The following DYNC1LI1 variants were observed in gnomAD, a reference collection of about 807,000 sequenced individuals.
The protein encoded by DYNC1LI1 is cytoplasmic dynein 1 light intermediate chain 1.
A neutral mutation model predicts 63.8 loss-of-function variants in DYNC1LI1; 19 were observed. The ratio of observed to expected loss-of-function variants is 0.30; its 90% CI spans 0.21 to 0.44. The LOEUF (loss-of-function observed/expected upper bound fraction) is 0.44. DYNC1LI1 is among the 20% of genes least tolerant of loss of function. DYNC1LI1 has a pLI of 1.00. For synonymous variants in DYNC1LI1, 225 were observed against 232.3 expected, an observed-to-expected ratio of 0.97 and a Z score of 0.28; for missense variants, 565 against 630.2, an observed-to-expected ratio of 0.90 and a Z score of 1.11.
chr3:32,567,650 C>T (rs957997685), intron 2 of DYNC1LI1, among the ~76,000 whole-genome samples: 1 of 151,248 alleles, frequency 6.6e-6, no homozygotes, highest in Non-Finnish European at 1.5e-5. Flanking sequence ...GTTGTCCCTC[C>T]ACCTTAGCCT....
At chr3:32,569,073 ACATTAACTCATT>A (rs1698306730) in intron 2 of DYNC1LI1, among the ~76,000 whole-genome samples, 1 of 152,198 alleles carries the variant, frequency 6.6e-6, no homozygotes, top group African/African-American at 2.4e-5. Flanking sequence ...CACGATACAA[ACATTAACTCATT>A]TGATTCCCGC....
chr3:32,538,361 G>C (rs1208693320), intron 5 of DYNC1LI1, among the ~76,000 whole-genome samples: 2 of 151,258 alleles, frequency 1.3e-5, no homozygotes, highest in Non-Finnish European at 2.9e-5. Flanking sequence ...ATTATACTTT[G>C]ACTTATTGAC....
rs1469027383 is a variant in DYNC1LI1, at chr3:32,526,667, A to G, written c.*132T>C. On this transcript the variant is annotated 3_prime_UTR_variant, in exon 13 of 13. Coordinates refer to ENST00000273130, the MANE Select transcript of DYNC1LI1 (RefSeq NM_016141.4). ...AAAATGGGTAACCACACACACACAC[A>G]CACACACACACGACATAAATTTAGT... 6 of 662,218 alleles carry G rather than the reference A, an allele frequency of 9.1e-6. No individual in the cohort carries two copies. Among genetic ancestry groups the G allele is most frequent in the Non-Finnish European group, 1.6e-5 (6 of 375,314 alleles). The allele number at this position is 662,218 out of a possible 1,614,324, so 41.0% of individuals were successfully genotyped here.
intron 2 of DYNC1LI1, among the ~76,000 whole-genome samples, chr3:32,561,303 G>T (rs2125445140): frequency 6.6e-6 from 1 of 151,494 alleles, no homozygotes. Flanking sequence ...ATTGGCAATG[G>T]TGCTAAACAA....
At chr3:32,541,293 G>T in intron 4 of DYNC1LI1, 87 bp from the exon 5 acceptor site, 2 of 843,176 alleles carry the variant, frequency 2.4e-6, no homozygotes, top group South Asian at 1.9e-5. Flanking sequence ...AAATTTACTC[G>T]AATTTATACT....
chr3:32,538,482 C>T lies in DYNC1LI1; in HGVS notation c.739-1378G>A, dbSNP rs183117144. ...TTGGGAGGTCGAGGTGGGCAGATCA[C>T]GAGGTCAGGAGATCGAGACCATCCT... On this transcript the variant is annotated intron_variant, in intron 5 of 12. Transcript: ENST00000273130. Among the ~76,000 whole-genome samples the T allele has an allele frequency of 1.0e-2, 1,513 of 151,976 alleles. 7 individuals carry two copies. The highest frequency in any genetic ancestry group is 0.032 in the South Asian group (153 of 4,822).
intron 2 of DYNC1LI1, among the ~76,000 whole-genome samples, chr3:32,552,798 C>T (rs893334805): frequency 6.6e-6 from 1 of 152,138 alleles, no homozygotes; most frequent in South Asian, 2.1e-4. Flanking sequence ...CTCCACCTCC[C>T]AGGTTCAAGT....
At chr3:32,570,106 G>A in intron 2 of DYNC1LI1, 1 of 657,432 alleles carries the variant, frequency 1.5e-6, no homozygotes, top group Non-Finnish European at 2.8e-6. Context: ...AGCTGTCAGG[G>A]CCACCCCCAT....
intron 6 of DYNC1LI1, among the ~76,000 whole-genome samples, chr3:32,536,662 AAC>A (rs1274649739): frequency 6.6e-6 from 1 of 152,160 alleles, no homozygotes; most frequent in African/African-American, 2.4e-5. Flanking sequence ...AAACACAAAA[AAC>A]ACAATACTGA....
intron 2 of DYNC1LI1, among the ~76,000 whole-genome samples, chr3:32,561,842 G>A (rs540771591): frequency 6.1e-4 from 92 of 149,846 alleles, no homozygotes; most frequent in Admixed American, 3.7e-3. Flanking sequence ...AAACAAAGCC[G>A]TATCTATTAA....
chr3:32,548,419 T>C (rs544673822), intron 2 of DYNC1LI1, among the ~76,000 whole-genome samples: 24 of 152,302 alleles, frequency 1.6e-4, no homozygotes, highest in African/African-American at 5.8e-4. Flanking sequence ...AAAAACTGTC[T>C]TCCATGAAGT....
rs3836420 is a variant in DYNC1LI1 at position 32,526,653 on chromosome 3, C to CCACACACACA, written c.*136_*145dup. The CCACACACACA allele has an allele frequency of 4.3e-4, 216 of 499,290 alleles. No individual in the cohort carries two copies. Among genetic ancestry groups the CCACACACACA allele is most frequent in the African/African-American group, 3.7e-3 (188 of 51,100 alleles). 30.9% of individuals were successfully genotyped at this position (499,290 alleles called of 1,614,324 possible). The stretch of plus-strand genomic sequence containing the variant: ...ACGGCTCCTTCTAAAAAATGGGTAA[C>CCACACACACA]CACACACACACACACACACACACAC... On this transcript the variant is annotated 3_prime_UTR_variant, in exon 13 of 13. Transcript: ENST00000273130.
chr3:32,542,591 A>ACC (rs1309974243), intron 4 of DYNC1LI1, among the ~76,000 whole-genome samples: 2 of 151,990 alleles, frequency 1.3e-5, no homozygotes, highest in African/African-American at 2.4e-5. Context: ...TATTTTTAGA[A>ACC]AAGACGGGGT....
intron 2 of DYNC1LI1, among the ~76,000 whole-genome samples, chr3:32,558,403 TAAAAAAAA>T (rs533076265): frequency 6.6e-5 from 6 of 90,392 alleles, no homozygotes; most frequent in African/African-American, 2.3e-4. Flanking sequence ...TTTAAAAATG[TAAAAAAAA>T]AAAAAAAAAA....
intron 8 of DYNC1LI1, chr3:32,531,918 G>A (rs1445787553): frequency 9.9e-5 from 15 of 152,088 alleles, no homozygotes; most frequent in African/African-American, 3.1e-4. Flanking sequence ...TTCAGCATCC[G>A]TAATCTGAAA....
intron 2 of DYNC1LI1, among the ~76,000 whole-genome samples, chr3:32,562,597 G>A (rs1032480818): frequency 2.0e-5 from 3 of 152,166 alleles, no homozygotes; most frequent in African/African-American, 7.2e-5. Flanking sequence ...AAAGTGCTAA[G>A]ATTGCAGGCG....
chr3:32,537,066 G>A lies in DYNC1LI1; in HGVS notation c.777C>T (p.Tyr259=). 1.3e-6 allele frequency: 2 copies of A among 1,598,242 alleles called. No homozygotes were observed. Among genetic ancestry groups the A allele is most frequent in the Non-Finnish European group, 8.5e-7 (1 of 1,173,630 alleles). ...GAATAAAATCAAAATGTTCATCTCTGTAGTCATGTTCTTTCTCCAATACAC... is the reference window on the plus strand; with the variant it reads ...GAATAAAATCAAAATGTTCATCTCTATAGTCATGTTCTTTCTCCAATACAC... The part of the protein sequence containing the change: ...AISVLEKEHD[Y]RDEHFDFIQS... The change falls in exon 6 of 13, where the codon TAC becomes TAT. Residue 259 remains tyrosine (Y), a synonymous_variant. Coordinates refer to ENST00000273130, the MANE Select transcript of DYNC1LI1 (RefSeq NM_016141.4).
rs573630335 is a variant in DYNC1LI1 at position 32,527,323 on chromosome 3, G to T, written c.1463-415C>A. On this transcript the variant is annotated intron_variant, in intron 12 of 12. Transcript: ENST00000273130. ...AAAATAAAAATAATATAAATTTCAAGAAAAAACAAATTCCCTCATTTTAAA... is the reference window on the plus strand; with the variant it reads ...AAAATAAAAATAATATAAATTTCAATAAAAAACAAATTCCCTCATTTTAAA... Among the ~76,000 whole-genome samples, 6 of 151,434 alleles carry T rather than the reference G, an allele frequency of 4.0e-5. No homozygotes were observed. In the East Asian group the frequency reaches 1.2e-3, roughly 29 times the overall value.
At chr3:32,537,191 G>T in intron 5 of DYNC1LI1, 87 bp from the exon 6 acceptor site, 1 of 691,444 alleles carries the variant, frequency 1.4e-6, no homozygotes, top group Non-Finnish European at 2.2e-6. Context: ...CTGGATAGGG[G>T]AACATCATAA....
Sources: gnomAD v4.1 joint callset for allele counts (sites outside exome capture counted in the v4.1 genomes callset) on GRCh38, gnomAD v4.1.1 for gene constraint, MANE v1.5 for transcripts, NCBI Gene and HGNC (gene_info 2026-07-23, HGNC 2026-07-21) for gene names.